ADAM23: variants seen among roughly 807,000 people sequenced by gnomAD.
The protein encoded by ADAM23 is ADAM metallopeptidase domain 23.
In ADAM23, 33 loss-of-function variants were observed where a neutral mutation model predicts 120.1. The ratio of observed to expected loss-of-function variants is 0.27; its 90% CI spans 0.21 to 0.37. The LOEUF is 0.37. Among genes scored for constraint, ADAM23 ranks in the 10% least tolerant of loss-of-function variants. The probability of loss-of-function intolerance (pLI) is 1.00; values close to 1 mark genes in which losing one functional copy is unlikely to be tolerated. For missense variants in ADAM23, 862 were observed against 1,058.2 expected (o/e 0.81, Z 2.57); for synonymous variants, 367 against 375.2 (o/e 0.98, Z 0.25).
At chr2:206,605,882 T>G (rs746593616) in intron 24 of ADAM23, 26 of 669,004 alleles carry the variant, frequency 3.9e-5, no homozygotes, top group Non-Finnish European at 6.7e-5. Flanking sequence ...GGGAATAGAG[T>G]AAGCATCCTT....
chr2:206,617,824 C>A lies in ADAM23; in HGVS notation c.*197C>A. The A allele has an allele frequency of 8.4e-7, 1 of 1,191,456 alleles. No homozygotes were observed. 73.8% of individuals were successfully genotyped at this position (1,191,456 alleles called of 1,614,324 possible). ...AAATAATGTCAAAGAACACCTTTCA[C>A]CACCTGTCAGTAAACGGGGGAGGGG... On this transcript the variant is annotated 3_prime_UTR_variant, in exon 26 of 26. Transcript: ENST00000264377.
At chr2:206,458,305 T>C (rs1261468270) in intron 2 of ADAM23, among the ~76,000 whole-genome samples, 2 of 94,828 alleles carry the variant, frequency 2.1e-5, no homozygotes, top group African/African-American at 4.1e-5. Flanking sequence ...GGAATCCAAG[T>C]TGTGAACTGC....
chr2:206,523,656 A>G (rs1213055000), intron 3 of ADAM23, among the ~76,000 whole-genome samples: 4 of 152,148 alleles, frequency 2.6e-5, no homozygotes, highest in South Asian at 4.1e-4. Context: ...TAGAAAAGTA[A>G]TGGTTGAAAA....
chr2:206,516,415 A>T (rs1193391596), intron 3 of ADAM23, among the ~76,000 whole-genome samples: 1 of 152,128 alleles, frequency 6.6e-6, no homozygotes, highest in African/African-American at 2.4e-5. Context: ...TGCTATAGCA[A>T]AATTTCATCA....
rs562873491 is a variant in ADAM23 at position 206,598,171 on chromosome 2, G to T, written c.2359+2009G>T. On this transcript the variant is annotated intron_variant, in intron 24 of 25. Coordinates refer to ENST00000264377, the MANE Select transcript of ADAM23 (RefSeq NM_003812.4). ...TTAAGCTCTAACAAGAGAAGCCAAG[G>T]TTCATTCTTTCCAAATTTTCTCTCC... 1.6e-4 allele frequency among the ~76,000 whole-genome samples: 25 copies of T among 152,110 alleles called. 2 individuals are homozygous for T. The South Asian group carries it at 5.0e-3, about 30-fold the overall frequency.
intron 3 of ADAM23, among the ~76,000 whole-genome samples, chr2:206,508,295 G>A (rs2105898464): frequency 6.6e-6 from 1 of 152,214 alleles, no homozygotes; most frequent in South Asian, 2.1e-4. Context: ...TGAAGTGCTG[G>A]GATTACAGGC....
At chr2:206,574,979 T>C (rs1002523441) in intron 18 of ADAM23, among the ~76,000 whole-genome samples, 2 of 152,166 alleles carry the variant, frequency 1.3e-5, no homozygotes, top group Non-Finnish European at 2.9e-5. Context: ...GGAACCTACA[T>C]TCTGCTGGGT....
intron 9 of ADAM23, among the ~76,000 whole-genome samples, chr2:206,554,812 G>A (rs1211853996): frequency 1.3e-5 from 2 of 152,090 alleles, no homozygotes; most frequent in East Asian, 3.9e-4. Flanking sequence ...CTAAACCCTA[G>A]GTGTCCAATT....
chr2:206,531,392 A>G (rs998239715), intron 4 of ADAM23, among the ~76,000 whole-genome samples: 1 of 152,184 alleles, frequency 6.6e-6, no homozygotes. Flanking sequence ...CTTCATAACA[A>G]TTCTATGAGG....
At chr2:206,586,363 A>T (rs1003838767) in intron 18 of ADAM23, among the ~76,000 whole-genome samples, 1 of 152,166 alleles carries the variant, frequency 6.6e-6, no homozygotes, top group African/African-American at 2.4e-5. Flanking sequence ...TGGCTTGGAC[A>T]GGGTGTGAGC....
chr2:206,535,608 G>T (rs1697156797), intron 4 of ADAM23, among the ~76,000 whole-genome samples: 1 of 152,154 alleles, frequency 6.6e-6, no homozygotes, highest in Non-Finnish European at 1.5e-5. Context: ...CCACATAGTG[G>T]AATTACTATT....
At chr2:206,571,954 T>A (rs1698009645) in intron 17 of ADAM23, 138 bp downstream of exon 17, 5 of 643,800 alleles carry the variant, frequency 7.8e-6, no homozygotes, top group Non-Finnish European at 1.3e-5. Context: ...TTTTCTAGGA[T>A]CGATAAATCT....
intron 3 of ADAM23, among the ~76,000 whole-genome samples, chr2:206,507,720 T>C (rs898178687): frequency 6.6e-6 from 1 of 152,234 alleles, no homozygotes; most frequent in Non-Finnish European, 1.5e-5. Context: ...ATGTCCACTG[T>C]TGTGTATTTT....
chr2:206,607,534 A>G (rs1263513968), intron 24 of ADAM23, among the ~76,000 whole-genome samples: 1 of 152,214 alleles, frequency 6.6e-6, no homozygotes, highest in Non-Finnish European at 1.5e-5. Flanking sequence ...AGATAGGTAA[A>G]AATCAAAGAG....
chr2:206,533,084 C>T (rs1449934796), intron 4 of ADAM23, among the ~76,000 whole-genome samples: 6 of 152,034 alleles, frequency 3.9e-5, no homozygotes, highest in Non-Finnish European at 8.8e-5. Context: ...TTTTATGCTG[C>T]TTCAGAAAAT....
chr2:206,515,384 AT>A (rs1449589642), intron 3 of ADAM23, among the ~76,000 whole-genome samples: 1 of 152,070 alleles, frequency 6.6e-6, no homozygotes, highest in Non-Finnish European at 1.5e-5. Context: ...TTGCCATTTT[AT>A]TTTGAAACCA....
chr2:206,509,961 G>A (rs1696588208), intron 3 of ADAM23, among the ~76,000 whole-genome samples: 1 of 152,166 alleles, frequency 6.6e-6, no homozygotes, highest in Non-Finnish European at 1.5e-5. Flanking sequence ...CTTTCCTTTG[G>A]ATCCCAGACT....
At position 206,467,278 on chromosome 2, in the gene ADAM23, C is replaced by T. The variant is rs566280792; in HGVS notation, c.433-13954C>T. On this transcript the variant is annotated intron_variant, in intron 2 of 25. Transcript: ENST00000264377. Reference sequence around the variant, plus strand: ...AAGTCCAAAGTCTTTTCTGAGATAACGCTAGTCCCTTCTGCCTATGCACCT... The same window carrying T: ...AAGTCCAAAGTCTTTTCTGAGATAATGCTAGTCCCTTCTGCCTATGCACCT... 1.8e-4 allele frequency among the ~76,000 whole-genome samples: 28 copies of T among 152,304 alleles called. No individual in the cohort carries two copies. The East Asian group carries it at 3.1e-3, about 17-fold the overall frequency.
intron 18 of ADAM23, among the ~76,000 whole-genome samples, chr2:206,584,932 C>G (rs1000945708): frequency 2.4e-4 from 36 of 152,138 alleles, no homozygotes; most frequent in Non-Finnish European, 4.4e-5. Context: ...TTCCTCTACC[C>G]CTGTATTTGG....
Sources: gnomAD v4.1 joint callset for allele counts (sites outside exome capture counted in the v4.1 genomes callset) on GRCh38, gnomAD v4.1.1 for gene constraint, MANE v1.5 for transcripts, NCBI Gene and HGNC (gene_info 2026-07-23, HGNC 2026-07-21) for gene names.